Variants in KDM2B observed in about 807,000 individuals in gnomAD.
The protein encoded by KDM2B is lysine demethylase 2B.
KDM2B carries 26 observed loss-of-function variants against 150.0 expected under a neutral mutation model. The ratio of observed to expected loss-of-function variants is 0.17; its 90% CI spans 0.13 to 0.24. KDM2B has a LOEUF of 0.24. Among genes scored for constraint, KDM2B ranks in the 10% least tolerant of loss-of-function variants. KDM2B has a pLI of 1.00. For synonymous variants in KDM2B, 734 were observed against 729.5 expected, an observed-to-expected ratio of 1.01 and a Z score of -0.10; for missense variants, 1,265 against 1,816.9, an observed-to-expected ratio of 0.70 and a Z score of 5.52.
At chr12:121,558,193 A>G (rs1322497910) in intron 4 of KDM2B, among the ~76,000 whole-genome samples, 1 of 152,042 alleles carries the variant, frequency 6.6e-6, no homozygotes, top group Non-Finnish European at 1.5e-5. Flanking sequence ...CTAGGAGCTC[A>G]CTCTTTGTCG....
intron 17 of KDM2B, 31 bp downstream of exon 17, chr12:121,443,649 G>A (rs1555289204): frequency 1.5e-6 from 2 of 1,371,266 alleles, no homozygotes; most frequent in African/African-American, 2.8e-5. Flanking sequence ...CAGTCCCCGG[G>A]GCCTCAGGAG....
intron 12 of KDM2B, among the ~76,000 whole-genome samples, chr12:121,478,480 C>T (rs2139907090): frequency 6.6e-6 from 1 of 151,614 alleles, no homozygotes; most frequent in Non-Finnish European, 1.5e-5. Flanking sequence ...CTGCCTCAGC[C>T]TCCCGAGTAG....
chr12:121,444,646 G>A (rs1161425292), intron 14 of KDM2B, 110 bp from the exon 15 acceptor site: 16 of 849,730 alleles, frequency 1.9e-5, no homozygotes, highest in Non-Finnish European at 2.8e-5. Flanking sequence ...CCTCCCCAAC[G>A]TCACATCTAT....
At chr12:121,522,576 G>T (rs1010315404) in intron 8 of KDM2B, among the ~76,000 whole-genome samples, 1 of 151,436 alleles carries the variant, frequency 6.6e-6, no homozygotes, top group Non-Finnish European at 1.5e-5. Flanking sequence ...GGCCAGGCAC[G>T]GTGGCTCATG....
chr12:121,434,694 A>G (rs1203892037), intron 22 of KDM2B, among the ~76,000 whole-genome samples: 2 of 152,142 alleles, frequency 1.3e-5, no homozygotes, highest in African/African-American at 2.4e-5. Flanking sequence ...GTGATGGCTC[A>G]TGCCTGTAAT....
chr12:121,558,445 TTTTC>T (rs1890062794), intron 4 of KDM2B, among the ~76,000 whole-genome samples: 1 of 125,094 alleles, frequency 8.0e-6, no homozygotes, highest in African/African-American at 3.5e-5. Context: ...CTGTGTTTCC[TTTTC>T]TTTTTCTTTT....
At chr12:121,421,082 C>G in the KDM2B span, among the ~76,000 whole-genome samples, 15 of 152,156 alleles carry the variant, frequency 9.9e-5, no homozygotes, top group Middle Eastern at 3.4e-3. Flanking sequence ...TGTAAAAATG[C>G]TTATTTTCTC....
At chr12:121,428,477 AT>A (rs1341177841), downstream of KDM2B, among the ~76,000 whole-genome samples, 3 of 149,536 alleles carry the variant, frequency 2.0e-5, no homozygotes, top group African/African-American at 7.4e-5. Context: ...GCCTTGTCTC[AT>A]TTTAATTAAA....
downstream of KDM2B, among the ~76,000 whole-genome samples, chr12:121,428,304 T>C (rs1381399448): frequency 6.6e-6 from 1 of 152,160 alleles, no homozygotes; most frequent in Non-Finnish European, 1.5e-5. Flanking sequence ...GCGATTCTCC[T>C]GTCTCAGCCT....
chr12:121,467,306 G>A lies in KDM2B; in HGVS notation c.1735-13962C>T. 4.1e-6 allele frequency: 4 copies of A among 981,718 alleles called. No homozygotes were observed. Among genetic ancestry groups the A allele is most frequent in the Non-Finnish European group, 4.8e-6 (4 of 828,478 alleles). 60.8% of individuals were successfully genotyped at this position (981,718 alleles called of 1,614,324 possible). On this transcript the variant is annotated intron_variant, in intron 12 of 22. Coordinates refer to ENST00000377071, the MANE Select transcript of KDM2B (RefSeq NM_032590.5). This position sits in a 1 kb window ranked among gnomAD's most constrained non-coding sequence, Gnocchi z 5.1. ...GAGCAGGCTCGGCTCGCCCTGGCTC[G>A]GGCTCGGGCTCGGGCTCGGGCTCCC...
the KDM2B span, among the ~76,000 whole-genome samples, chr12:121,416,991 G>C: frequency 6.6e-6 from 1 of 152,242 alleles, no homozygotes; most frequent in African/African-American, 2.4e-5. Context: ...AGCTTCTCTA[G>C]TGGCAAGGCT....
At chr12:121,580,203 C>T in intron 1 of KDM2B, 1 of 1,486,170 alleles carries the variant, frequency 6.7e-7, no homozygotes, top group South Asian at 1.4e-5. Flanking sequence ...TGCACCAACA[C>T]TTAGGCAGAT....
At chr12:121,499,093 C>T (rs1468793220) in intron 11 of KDM2B, among the ~76,000 whole-genome samples, 1 of 150,724 alleles carries the variant, frequency 6.6e-6, no homozygotes, top group Non-Finnish European at 1.5e-5. Context: ...GTGTGAGCCA[C>T]CACATCCAGT....
chr12:121,546,614 A>G (rs1363851414), intron 6 of KDM2B, among the ~76,000 whole-genome samples: 4 of 150,606 alleles, frequency 2.7e-5, no homozygotes, highest in Non-Finnish European at 5.9e-5. Context: ...CATGTTAGCC[A>G]GGATGGTCTC....
In KDM2B at chr12:121,442,961, C is replaced by CT; in HGVS notation, c.2604+30dup. Reference sequence around the variant, plus strand: ...GCGGTGCAGCTCTAACCGCTCAGGCCTGGGGCACAGGAGGGAGGGGAAGAT... The same window carrying CT: ...GCGGTGCAGCTCTAACCGCTCAGGCCTTGGGGCACAGGAGGGAGGGGAAGAT... On this transcript the variant is annotated intron_variant, in intron 18 of 22. Coordinates refer to ENST00000377071, the MANE Select transcript of KDM2B (RefSeq NM_032590.5). This position sits in a 1 kb window ranked among gnomAD's most constrained non-coding sequence, Gnocchi z 7.7. 1 of 1,612,264 alleles carries CT rather than the reference C, an allele frequency of 6.2e-7. No individual in the cohort carries two copies. The highest frequency in any genetic ancestry group is 8.5e-7 in the Non-Finnish European group (1 of 1,179,128).
chr12:121,453,271 G>A lies in KDM2B; in HGVS notation c.1808C>T (p.Thr603Met), dbSNP rs781828529. The change falls in exon 13 of 23, where the codon ACG becomes ATG. Residue 603 changes from threonine (T) to methionine (M), a missense_variant. By Grantham distance (81) the Thr-to-Met change is moderately conservative. Transcript: ENST00000377071. This position sits in a 1 kb window ranked among gnomAD's most constrained non-coding sequence, Gnocchi z 6.4. ...SAVKLAANRTTAGARRRRTRC... is the reference protein window; with the variant it reads ...SAVKLAANRTMAGARRRRTRC... The stretch of plus-strand genomic sequence containing the variant: ...CGTCCGGCGCCGCCGAGCTCCTGCC[G>A]TTGTCCGGTTGGCGGCCAACTTCAC... 3 of 1,607,402 alleles carry A rather than the reference G, an allele frequency of 1.9e-6. No homozygotes were observed. The highest frequency in any genetic ancestry group is 2.2e-5 in the East Asian group (1 of 44,678).
At chr12:121,459,588 T>C (rs1166740642) in intron 12 of KDM2B, among the ~76,000 whole-genome samples, 1 of 152,230 alleles carries the variant, frequency 6.6e-6, no homozygotes, top group African/African-American at 2.4e-5. Flanking sequence ...CCCAGCAGTT[T>C]GGGAGGCCAA....
the KDM2B span, among the ~76,000 whole-genome samples, chr12:121,418,927 G>A: frequency 6.6e-6 from 1 of 152,090 alleles, no homozygotes; most frequent in Non-Finnish European, 1.5e-5. Context: ...GGCTGGTCTC[G>A]AATACCTGAC....
chr12:121,487,020 G>T (rs1305547797), intron 12 of KDM2B, among the ~76,000 whole-genome samples: 4 of 150,944 alleles, frequency 2.6e-5, no homozygotes, highest in Admixed American at 1.3e-4. Flanking sequence ...CATGCCTGTG[G>T]TCCCAGCTAC....
Sources: gnomAD v4.1 joint callset for allele counts (sites outside exome capture counted in the v4.1 genomes callset) on GRCh38, gnomAD v4.1.1 for gene constraint, Gnocchi (gnomAD v3.1) non-coding constraint, MANE v1.5 for transcripts, NCBI Gene and HGNC (gene_info 2026-07-23, HGNC 2026-07-21) for gene names.